The following KCNIP4 variants were observed in gnomAD, a reference collection of about 807,000 sequenced individuals.
KCNIP4 encodes potassium voltage-gated channel interacting protein 4, also known as Kv channel-interacting protein 4.
A neutral mutation model predicts 34.0 loss-of-function variants in KCNIP4; 12 were observed. The observed-to-expected ratio is 0.35, with a 90% CI of 0.23 to 0.57. The LOEUF is 0.57. Ranked by LOEUF, KCNIP4 falls within the 20% of genes least tolerant of loss-of-function variation. The probability of loss-of-function intolerance (pLI) is 0.83; values close to 1 mark genes in which losing one functional copy is unlikely to be tolerated. For synonymous variants in KCNIP4, 124 were observed against 102.2 expected, an observed-to-expected ratio of 1.21 and a Z score of -1.29; for missense variants, 238 against 311.7, an observed-to-expected ratio of 0.76 and a Z score of 1.78.
chr4:21,211,674 C>T (rs1560177843), intron 1 of KCNIP4, among the ~76,000 whole-genome samples: 38 of 152,014 alleles, frequency 2.5e-4, no homozygotes, highest in Non-Finnish European at 1.5e-5. Flanking sequence ...AGAAAGAAAA[C>T]ATAGTAGTTT....
At chr4:21,648,489 A>G (rs903864928) in intron 1 of KCNIP4, among the ~76,000 whole-genome samples, 1 of 152,114 alleles carries the variant, frequency 6.6e-6, no homozygotes, top group Non-Finnish European at 1.5e-5. Context: ...TTATGGGGAG[A>G]TGCAGTTTAC....
intron 1 of KCNIP4, among the ~76,000 whole-genome samples, chr4:21,399,356 G>A (rs1413149468): frequency 6.6e-6 from 1 of 152,202 alleles, no homozygotes; most frequent in African/African-American, 2.4e-5. Flanking sequence ...CACAGGATGT[G>A]ATGCAGGCAT....
At chr4:21,804,130 T>C (rs1200399087) in intron 1 of KCNIP4, among the ~76,000 whole-genome samples, 1 of 152,222 alleles carries the variant, frequency 6.6e-6, no homozygotes, top group Non-Finnish European at 1.5e-5. Flanking sequence ...AATTGGATTT[T>C]TCTGTTGAAT....
intron 1 of KCNIP4, among the ~76,000 whole-genome samples, chr4:21,305,237 G>A (rs952678298): frequency 1.3e-5 from 2 of 152,134 alleles, no homozygotes; most frequent in African/African-American, 4.8e-5. Context: ...CTTCACTTGG[G>A]GTTGGCTTTT....
intron 1 of KCNIP4, among the ~76,000 whole-genome samples, chr4:21,707,743 G>C (rs1463162042): frequency 6.6e-6 from 1 of 151,964 alleles, no homozygotes; most frequent in African/African-American, 2.4e-5. Context: ...TGGCATCATG[G>C]GCTTGGAATT....
Position 21,304,069 on chromosome 4 carries a change from CAGAGAGAG to C in KCNIP4, c.62-421368_62-421361del, listed in dbSNP as rs1276234904. The C allele has an allele frequency of 2.4e-3, 336 of 138,100 alleles. 3 individuals are homozygous for C. The highest frequency in any genetic ancestry group is 0.014 in the East Asian group (56 of 4,008). The allele number at this position is 138,100 out of a possible 1,614,324, so 8.6% of individuals were successfully genotyped here. On this transcript the variant is annotated intron_variant, in intron 1 of 8. Coordinates refer to ENST00000382152, the MANE Select transcript of KCNIP4 (RefSeq NM_025221.6). ...AGAGAGAGAGAGAGAGAGAGAGAGA[CAGAGAGAG>C]AGAGAGAGACAGAGAGAGAGAGAGA...
At chr4:20,908,284 G>A (rs1560561323) in intron 1 of KCNIP4, among the ~76,000 whole-genome samples, 1 of 152,000 alleles carries the variant, frequency 6.6e-6, no homozygotes, top group Non-Finnish European at 1.5e-5. Context: ...ATTTTCACTA[G>A]AGGCAGGGCT....
intron 1 of KCNIP4, among the ~76,000 whole-genome samples, chr4:20,978,512 G>A (rs912959431): frequency 4.6e-5 from 7 of 152,268 alleles, no homozygotes; most frequent in East Asian, 1.9e-4. Flanking sequence ...ACATTTTATC[G>A]TTGTTCCAGG....
chr4:20,801,862 C>G (rs1024298850), intron 3 of KCNIP4, among the ~76,000 whole-genome samples: 1 of 151,788 alleles, frequency 6.6e-6, no homozygotes, highest in Non-Finnish European at 1.5e-5. Context: ...TAAATAGATT[C>G]AATCCTTTAA....
chr4:20,838,572 G>T (rs1719343438), intron 3 of KCNIP4, among the ~76,000 whole-genome samples: 1 of 152,288 alleles, frequency 6.6e-6, no homozygotes, highest in Middle Eastern at 3.4e-3. Flanking sequence ...GTGATGTAGA[G>T]ACTCTTCATG....
chr4:21,866,597 G>C lies in KCNIP4; in HGVS notation c.61+81974C>G, dbSNP rs1342632913. 2.6e-5 allele frequency among the ~76,000 whole-genome samples: 4 copies of C among 152,194 alleles called. No individual in the cohort carries two copies. In the East Asian group the frequency reaches 5.8e-4, roughly 22 times the overall value. ...GCATACAAGACACTAGAAGAGAAAG[G>C]AAAAGCAGGTATAAAGTATGCTGTC... On this transcript the variant is annotated intron_variant, in intron 1 of 8. Transcript: ENST00000382152.
intron 1 of KCNIP4, among the ~76,000 whole-genome samples, chr4:21,621,785 A>C (rs978287537): frequency 1.3e-5 from 2 of 152,200 alleles, no homozygotes; most frequent in Non-Finnish European, 2.9e-5. Context: ...CTAGAGGTAC[A>C]TTATATAAAA....
At chr4:21,541,180 C>CAAAAAAAAAAAAAAAA (rs60459395) in intron 1 of KCNIP4, among the ~76,000 whole-genome samples, 68 of 107,254 alleles carry the variant, frequency 6.3e-4, no homozygotes, top group Non-Finnish European at 9.2e-4. Context: ...CAAAAGAAAA[C>CAAAAAAAAAAAAAAAA]AAAAAAAAAA....
chr4:21,676,604 T>C (rs901181188), intron 1 of KCNIP4, among the ~76,000 whole-genome samples: 1 of 152,260 alleles, frequency 6.6e-6, no homozygotes, highest in Non-Finnish European at 1.5e-5. Flanking sequence ...CTCTGTCATA[T>C]GTGAATAAAT....
chr4:21,789,526 A>T lies in KCNIP4; in HGVS notation c.61+159045T>A, dbSNP rs115715773. Among the ~76,000 whole-genome samples the T allele has an allele frequency of 4.2e-3, 646 of 152,270 alleles. 3 individuals carry two copies. Among genetic ancestry groups the T allele is most frequent in the African/African-American group, 0.014 (599 of 41,552 alleles). Reference sequence around the variant, plus strand: ...ACAAAAAGTAAGTACTTCTTTTAAAAATCTAAATTTCTGTATTATTATTAG... The same window carrying T: ...ACAAAAAGTAAGTACTTCTTTTAAATATCTAAATTTCTGTATTATTATTAG... On this transcript the variant is annotated intron_variant, in intron 1 of 8. Transcript: ENST00000382152.
Position 21,477,116 on chromosome 4 carries a change from ATCCATGGG to A in KCNIP4, c.61+471447_61+471454del, listed in dbSNP as rs1400500345. On this transcript the variant is annotated intron_variant, in intron 1 of 8. Transcript: ENST00000382152. The stretch of plus-strand genomic sequence containing the variant: ...TTAAAAGCTCAGTGTTACAGTTCTG[ATCCATGGG>A]TTGAGTTATAATGAATTAGAGTTCC... Among the ~76,000 whole-genome samples, 9 of 152,158 alleles carry A rather than the reference ATCCATGGG, an allele frequency of 5.9e-5. No individual in the cohort carries two copies. The East Asian group carries it at 1.7e-3, about 29-fold the overall frequency.
intron 1 of KCNIP4, among the ~76,000 whole-genome samples, chr4:21,450,215 C>A (rs1728397387): frequency 6.6e-6 from 1 of 152,140 alleles, no homozygotes; most frequent in Non-Finnish European, 1.5e-5. Context: ...ATCTTTCTTA[C>A]AACCAACAGA....
chr4:21,556,513 C>T (rs1169109892), intron 1 of KCNIP4, among the ~76,000 whole-genome samples: 1 of 152,100 alleles, frequency 6.6e-6, no homozygotes, highest in Non-Finnish European at 1.5e-5. Flanking sequence ...TGTCTTTTAA[C>T]CAGATGATTG....
At chr4:21,573,378 C>T (rs1213709912) in intron 1 of KCNIP4, among the ~76,000 whole-genome samples, 1 of 152,032 alleles carries the variant, frequency 6.6e-6, no homozygotes, top group East Asian at 1.9e-4. Context: ...TTTTCATGCT[C>T]CCCATTTTTC....
Sources: gnomAD v4.1 joint callset for allele counts (sites outside exome capture counted in the v4.1 genomes callset) on GRCh38, gnomAD v4.1.1 for gene constraint, MANE v1.5 for transcripts, NCBI Gene and HGNC (gene_info 2026-07-23, HGNC 2026-07-21) for gene names.